PCDHAC1: variants seen among roughly 807,000 people sequenced by gnomAD.
PCDHAC1 encodes protocadherin alpha subfamily C, 1.
In PCDHAC1, 42 loss-of-function variants were observed where a neutral mutation model predicts 60.0. That is an observed-to-expected ratio of 0.70 (90% CI 0.55 to 0.90). The LOEUF (loss-of-function observed/expected upper bound fraction) is 0.90, where lower values mean the gene tolerates loss of function less well. Ranked by LOEUF, PCDHAC1 falls within the 40% of genes least tolerant of loss-of-function variation. The pLI is 0.00. For synonymous variants in PCDHAC1, 468 were observed against 499.3 expected (o/e 0.94, Z 0.84); for missense variants, 1,160 against 1,222.3 (o/e 0.95, Z 0.76).
At chr5:140,989,829 C>A (rs1554251113) in intron 3 of PCDHAC1, among the ~76,000 whole-genome samples, 3 of 152,124 alleles carry the variant, frequency 2.0e-5, no homozygotes, top group Non-Finnish European at 2.9e-5. Context: ...TGCCAGGAAG[C>A]CTGTCAATGA....
intron 1 of PCDHAC1, among the ~76,000 whole-genome samples, chr5:140,941,192 TTTCTTTCTTCCTTTCTTTCTTCC>T (rs2153649449): frequency 1.0e-5 from 1 of 99,660 alleles, no homozygotes; most frequent in African/African-American, 4.0e-5. Flanking sequence ...CTTCTTTTTT[TTTCTTTCTTCCTTTCTTTCTTCC>T]TTTCTTTCTT....
chr5:140,928,201 G>C lies in PCDHAC1; in HGVS notation c.1309G>C (p.Asp437His). 1 of 1,614,242 alleles carries C rather than the reference G, an allele frequency of 6.2e-7. No homozygotes were observed. Among genetic ancestry groups the C allele is most frequent in the Non-Finnish European group, 8.5e-7 (1 of 1,180,050 alleles). The part of the protein sequence containing the change: ...TRRTITVSVA[D>H]VNDNTPNFPQ... ...AAGGACAATCACTGTGTCAGTTGCT[G>C]ATGTGAATGACAATACACCAAACTT... The change falls in exon 1 of 4, where the codon GAT (aspartate) becomes CAT (histidine). Residue 437 changes from aspartate to histidine, a missense_variant. Around this residue, in one of 3 missense-constraint regions of PCDHAC1, gnomAD observed 1,113 missense variants for 1,163.7 expected, o/e 0.96. Coordinates refer to ENST00000253807, the MANE Select transcript of PCDHAC1 (RefSeq NM_018898.5).
intron 1 of PCDHAC1, among the ~76,000 whole-genome samples, chr5:140,960,366 ACT>A (rs2095543381): frequency 6.6e-6 from 1 of 152,188 alleles, no homozygotes; most frequent in Non-Finnish European, 1.5e-5. Flanking sequence ...TAATATGCCA[ACT>A]CTTAAGTGCC....
At position 140,927,035 on chromosome 5, in the gene PCDHAC1, C is replaced by A. The variant is rs1554203936; in HGVS notation, c.143C>A (p.Ala48Asp). 2 of 1,612,296 alleles carry A rather than the reference C, an allele frequency of 1.2e-6. No homozygotes were observed. The highest frequency in any genetic ancestry group is 1.7e-6 in the Non-Finnish European group (2 of 1,178,902). Reference sequence around the variant, plus strand: ...TCCGCGGACTTGAGGCTGCCAGCGGCCGCTATGTCCTCGCGGAACTTTCGC... The same window carrying A: ...TCCGCGGACTTGAGGCTGCCAGCGGACGCTATGTCCTCGCGGAACTTTCGC... ...NLSADLRLPA[A>D]AMSSRNFRFL... Residue 48 changes from alanine to aspartate, a missense_variant, in exon 1 of 4, where the codon GCC becomes GAC. Transcript: ENST00000253807.
At chr5:140,936,153 A>G (rs539421853) in intron 1 of PCDHAC1, among the ~76,000 whole-genome samples, 1 of 152,284 alleles carries the variant, frequency 6.6e-6, no homozygotes, top group Admixed American at 6.5e-5. Flanking sequence ...TTGGCCTCCT[A>G]AAGTGCTGGG....
At position 140,941,202 on chromosome 5, in the gene PCDHAC1, C is replaced by CCCTTCTTTCTTTCTTT. The variant is rs2092811279; in HGVS notation, c.2433+11878_2433+11879insCTTCTTTCTTTCTTTC. Among the ~76,000 whole-genome samples, 5 of 122,742 alleles carry CCCTTCTTTCTTTCTTT rather than the reference C, an allele frequency of 4.1e-5. No homozygotes were observed. The East Asian group carries it at 1.1e-3, about 27-fold the overall frequency. 80.5% of individuals were successfully genotyped at this position (122,742 alleles called of 152,430 possible). On this transcript the variant is annotated intron_variant, in intron 1 of 3. Transcript: ENST00000253807. ...TCCTGCTTCTTTTTTTTTCTTTCTTCCTTTCTTTCTTCCTTTCTTTCTTTC... is the reference window on the plus strand; with the variant it reads ...TCCTGCTTCTTTTTTTTTCTTTCTTCCCTTCTTTCTTTCTTTCTTTCTTTCTTCCTTTCTTTCTTTC...
At chr5:141,000,395 C>CTATATA (rs1190667031) in intron 3 of PCDHAC1, among the ~76,000 whole-genome samples, 4 of 53,980 alleles carry the variant, frequency 7.4e-5, no homozygotes, top group East Asian at 6.1e-4. Context: ...CTCTCTCTCT[C>CTATATA]TATATATATA....
intron 1 of PCDHAC1, among the ~76,000 whole-genome samples, chr5:140,973,344 A>G (rs1389229715): frequency 1.3e-5 from 2 of 152,258 alleles, no homozygotes; most frequent in African/African-American, 2.4e-5. Flanking sequence ...AAAGTGACAT[A>G]GTAGTGAATT....
In PCDHAC1 at chr5:140,961,349, T is replaced by C. The variant is rs1352312577; in HGVS notation, c.2434-17600T>C. Among the ~76,000 whole-genome samples the C allele has an allele frequency of 2.0e-5, 3 of 152,204 alleles. No individual in the cohort carries two copies. The East Asian group carries it at 5.8e-4, about 29-fold the overall frequency. On this transcript the variant is annotated intron_variant, in intron 1 of 3. Coordinates refer to ENST00000253807, the MANE Select transcript of PCDHAC1 (RefSeq NM_018898.5). Reference sequence around the variant, plus strand: ...TTGAGAGACCAAGAGTGGATCCCTGTAGTCCCCATTAGAATTCTCCTTCTA... The same window carrying C: ...TTGAGAGACCAAGAGTGGATCCCTGCAGTCCCCATTAGAATTCTCCTTCTA...
intron 1 of PCDHAC1, chr5:140,966,557 G>T: frequency 2.1e-6 from 1 of 477,538 alleles, no homozygotes; most frequent in Non-Finnish European, 3.5e-6. Context: ...GAGCGGAGGA[G>T]CTGGAATATG....
chr5:140,944,273 G>A (rs1208171689), intron 1 of PCDHAC1, among the ~76,000 whole-genome samples: 2 of 152,098 alleles, frequency 1.3e-5, no homozygotes, highest in African/African-American at 4.8e-5. Flanking sequence ...CTGCAGCCTT[G>A]ACACCCCGGG....
intron 1 of PCDHAC1, among the ~76,000 whole-genome samples, chr5:140,965,863 A>T (rs1275095146): frequency 6.6e-6 from 1 of 152,218 alleles, no homozygotes; most frequent in Non-Finnish European, 1.5e-5. Flanking sequence ...ACTGAAAATA[A>T]GGGCCACTTG....
intron 3 of PCDHAC1, among the ~76,000 whole-genome samples, chr5:141,002,749 A>G (rs2098093412): frequency 1.3e-5 from 2 of 152,202 alleles, no homozygotes; most frequent in South Asian, 4.1e-4. Flanking sequence ...TACATCGACA[A>G]CCCTGTGATG....
chr5:140,943,257 C>CAA lies in PCDHAC1; in HGVS notation c.2433+13951_2433+13952dup, dbSNP rs1238620023. Reference sequence around the variant, plus strand: ...TGGGTCACAGAGTGAGACTCTGTCTCAAAAAAAAAAAAAAAAAAAAGAAAG... The same window carrying CAA: ...TGGGTCACAGAGTGAGACTCTGTCTCAAAAAAAAAAAAAAAAAAAAAAGAAAG... On this transcript the variant is annotated intron_variant, in intron 1 of 3. Transcript: ENST00000253807. Among the ~76,000 whole-genome samples the CAA allele has an allele frequency of 2.6e-3, 203 of 77,270 alleles. 1 individual carries two copies. Among genetic ancestry groups the CAA allele is most frequent in the African/African-American group, 9.8e-3 (185 of 18,826 alleles). The allele number at this position is 77,270 out of a possible 152,430, so 50.7% of individuals were successfully genotyped here. A position where few individuals can be genotyped will look rare whatever the true frequency, so the allele number is the denominator to read the frequency against.
At chr5:140,993,364 T>G (rs1285844193) in intron 3 of PCDHAC1, among the ~76,000 whole-genome samples, 1 of 151,930 alleles carries the variant, frequency 6.6e-6, no homozygotes, top group Non-Finnish European at 1.5e-5. Flanking sequence ...TCACAAAAAC[T>G]ACCTCCCAGC....
chr5:140,991,139 G>GT (rs1563571112), intron 3 of PCDHAC1, among the ~76,000 whole-genome samples: 3 of 152,126 alleles, frequency 2.0e-5, no homozygotes, highest in Non-Finnish European at 4.4e-5. Flanking sequence ...TAGTAAAAAT[G>GT]TTTTTTGCTC....
Position 140,930,862 on chromosome 5 carries a change from GGT to G in PCDHAC1, c.2433+1538_2433+1539del, listed in dbSNP as rs1554208154. On this transcript the variant is annotated intron_variant, in intron 1 of 3. Coordinates refer to ENST00000253807, the MANE Select transcript of PCDHAC1 (RefSeq NM_018898.5). Reference sequence around the variant, plus strand: ...AAATATGTGCATATATGAATTGGATGGTAACACTGTTCAACACAGAGGGAAAA... The same window carrying G: ...AAATATGTGCATATATGAATTGGATGAACACTGTTCAACACAGAGGGAAAA... 5.3e-3 allele frequency among the ~76,000 whole-genome samples: 803 copies of G among 152,226 alleles called. 3 individuals carry two copies. Among genetic ancestry groups the G allele is most frequent in the Non-Finnish European group, 8.4e-3 (568 of 67,990 alleles).
At chr5:140,944,438 C>T (rs1585166190) in intron 1 of PCDHAC1, among the ~76,000 whole-genome samples, 2 of 152,154 alleles carry the variant, frequency 1.3e-5, no homozygotes, top group Non-Finnish European at 2.9e-5. Flanking sequence ...CTGCCTGCCT[C>T]GGCCTCCCAA....
chr5:141,006,275 G>A (rs782763386), intron 3 of PCDHAC1, among the ~76,000 whole-genome samples: 1 of 151,772 alleles, frequency 6.6e-6, no homozygotes. Flanking sequence ...GCAGTGGCAC[G>A]ATCTCAGCTC....
Sources: allele counts gnomAD v4.1 joint callset (sites outside exome capture counted in the v4.1 genomes callset), GRCh38; gene constraint gnomAD v4.1.1; regional missense constraint gnomAD v4.1.1; transcripts MANE v1.5; gene names NCBI Gene and HGNC (gene_info 2026-07-23, HGNC 2026-07-21).